KIAA1217: variants seen among roughly 807,000 people sequenced by gnomAD.
The protein encoded by KIAA1217 is KIAA1217, also known as sickle tail protein homolog.
A neutral mutation model predicts 163.9 loss-of-function variants in KIAA1217; 88 were observed. That is an observed-to-expected ratio of 0.54 (90% CI 0.45 to 0.64). The LOEUF (loss-of-function observed/expected upper bound fraction) is 0.64, where lower values mean the gene tolerates loss of function less well. Among genes scored for constraint, KIAA1217 ranks in the 30% least tolerant of loss-of-function variants. The probability of loss-of-function intolerance (pLI) is 0.00; values close to 1 mark genes in which losing one functional copy is unlikely to be tolerated. For missense variants in KIAA1217, 2,372 were observed against 2,475.0 expected, an observed-to-expected ratio of 0.96 and a Z score of 0.88; for synonymous variants, 903 against 923.1, an observed-to-expected ratio of 0.98 and a Z score of 0.39.
chr10:23,812,638 C>A (rs949546390), intron 1 of KIAA1217, among the ~76,000 whole-genome samples: 1 of 152,150 alleles, frequency 6.6e-6, no homozygotes, highest in Non-Finnish European at 1.5e-5. Flanking sequence ...AGAACATTTT[C>A]ATCACCCCAA....
intron 1 of KIAA1217, among the ~76,000 whole-genome samples, chr10:23,965,799 A>T (rs1845044035): frequency 6.6e-6 from 1 of 152,114 alleles, no homozygotes; most frequent in Non-Finnish European, 1.5e-5. Context: ...GAGGCTAAGG[A>T]TACTGGGGAA....
At chr10:23,777,516 G>A (rs936350726) in intron 1 of KIAA1217, among the ~76,000 whole-genome samples, 1 of 152,196 alleles carries the variant, frequency 6.6e-6, no homozygotes, top group African/African-American at 2.4e-5. Context: ...AAAGGGAAAA[G>A]GCTAATCCAT....
intron 2 of KIAA1217, among the ~76,000 whole-genome samples, chr10:24,242,843 G>A (rs1444222442): frequency 1.3e-5 from 2 of 152,150 alleles, no homozygotes; most frequent in African/African-American, 2.4e-5. Flanking sequence ...GATTAGTGAC[G>A]TGGAGCATTT....
At chr10:23,863,511 C>T (rs540965403) in intron 1 of KIAA1217, among the ~76,000 whole-genome samples, 18 of 152,252 alleles carry the variant, frequency 1.2e-4, no homozygotes, top group Admixed American at 6.5e-4. Flanking sequence ...TGTGAGGATA[C>T]GGTTCATCGT....
intron 2 of KIAA1217, among the ~76,000 whole-genome samples, chr10:24,365,680 A>T (rs185278555): frequency 1.9e-4 from 29 of 152,116 alleles, no homozygotes; most frequent in East Asian, 7.7e-4. Flanking sequence ...TTTCTCTTCA[A>T]GGTCTCTTCA....
intron 3 of KIAA1217, among the ~76,000 whole-genome samples, chr10:24,424,573 G>C (rs2131610325): frequency 6.6e-6 from 1 of 152,238 alleles, no homozygotes; most frequent in Admixed American, 6.5e-5. Context: ...TATATTCTTT[G>C]TGGGTGTTGT....
chr10:23,988,976 T>A (rs898626921), intron 1 of KIAA1217, among the ~76,000 whole-genome samples: 3 of 152,228 alleles, frequency 2.0e-5, no homozygotes, highest in Non-Finnish European at 4.4e-5. Flanking sequence ...AATACCTTGA[T>A]ATAAAACACC....
At chr10:24,498,047 A>G (rs909402292) in intron 8 of KIAA1217, among the ~76,000 whole-genome samples, 8 of 152,072 alleles carry the variant, frequency 5.3e-5, no homozygotes, top group African/African-American at 1.9e-4. Flanking sequence ...AGTGGAAATA[A>G]TGAATTTGAC....
chr10:23,833,053 A>G (rs894996602), intron 1 of KIAA1217, among the ~76,000 whole-genome samples: 14 of 152,122 alleles, frequency 9.2e-5, no homozygotes, highest in Non-Finnish European at 1.5e-4. Flanking sequence ...TTGGGTGGGG[A>G]CACAGCCAAA....
In KIAA1217 at chr10:24,089,293, A is replaced by C. The variant is rs528547550; in HGVS notation, c.-171+81919A>C. Among the ~76,000 whole-genome samples, 2 of 124,922 alleles carry C rather than the reference A, an allele frequency of 1.6e-5. 1 individual carries two copies. Among genetic ancestry groups the C allele is most frequent in the South Asian group, 5.3e-4 (2 of 3,784 alleles). The allele number at this position is 124,922 out of a possible 152,430, so 82.0% of individuals were successfully genotyped here. On this transcript the variant is annotated intron_variant, in intron 2 of 18. Transcript: ENST00000376462. ...TTCTTTTGCTGTGCAGAAGCTCTTT[A>C]GTTTAATTAGATCCCATTTGTCAAT...
chr10:24,192,158 C>T (rs1000352584), intron 2 of KIAA1217, among the ~76,000 whole-genome samples: 37 of 152,142 alleles, frequency 2.4e-4, no homozygotes, highest in African/African-American at 8.7e-4. Flanking sequence ...TTTATGCATA[C>T]GTCTGGTGAA....
chr10:24,010,662 G>C (rs1264438850), intron 2 of KIAA1217, among the ~76,000 whole-genome samples: 1 of 149,862 alleles, frequency 6.7e-6, no homozygotes, highest in Non-Finnish European at 1.5e-5. Flanking sequence ...TATGTTCTCG[G>C]TTCCATGAGA....
intron 2 of KIAA1217, among the ~76,000 whole-genome samples, chr10:24,349,152 AAGAG>A (rs1554825380): frequency 6.9e-6 from 1 of 145,142 alleles, no homozygotes; most frequent in Non-Finnish European, 1.5e-5. Flanking sequence ...AAAAAAAAAA[AAGAG>A]AGATTGAGAT....
intron 1 of KIAA1217, among the ~76,000 whole-genome samples, chr10:23,803,568 A>G (rs368977095): frequency 2.6e-4 from 39 of 152,250 alleles, no homozygotes; most frequent in African/African-American, 9.1e-4. Flanking sequence ...CTCATGCCCC[A>G]TAGGAGTCCT....
At chr10:24,437,125 C>T (rs974571454) in intron 4 of KIAA1217, among the ~76,000 whole-genome samples, 3 of 152,168 alleles carry the variant, frequency 2.0e-5, no homozygotes, top group African/African-American at 7.2e-5. Flanking sequence ...TTTTTCATGG[C>T]TCCCGTGAGG....
intron 2 of KIAA1217, among the ~76,000 whole-genome samples, chr10:24,362,120 A>C (rs187226845): frequency 2.3e-3 from 349 of 152,274 alleles, no homozygotes; most frequent in Non-Finnish European, 4.0e-3. Flanking sequence ...TAAATCTGCA[A>C]GTTCCTAACA....
intron 1 of KIAA1217, among the ~76,000 whole-genome samples, chr10:23,855,533 C>T (rs1254448465): frequency 6.6e-6 from 1 of 152,126 alleles, no homozygotes; most frequent in African/African-American, 2.4e-5. Context: ...GCGGCATTCT[C>T]TGTATTTCCT....
intron 2 of KIAA1217, among the ~76,000 whole-genome samples, chr10:24,265,652 T>C (rs1308547602): frequency 6.6e-6 from 1 of 152,164 alleles, no homozygotes; most frequent in Non-Finnish European, 1.5e-5. Flanking sequence ...TCTCTCTCCT[T>C]CTTCTCTTTT....
chr10:24,112,655 G>A (rs1358465097), intron 2 of KIAA1217, among the ~76,000 whole-genome samples: 2 of 152,008 alleles, frequency 1.3e-5, no homozygotes, highest in African/African-American at 4.8e-5. Flanking sequence ...CACAATCTCG[G>A]CTCACTGCAA....
Sources: allele counts gnomAD v4.1 joint callset (sites outside exome capture counted in the v4.1 genomes callset), GRCh38; gene constraint gnomAD v4.1.1; transcripts MANE v1.5; gene names NCBI Gene and HGNC (gene_info 2026-07-23, HGNC 2026-07-21).